FBXW8: variants seen among roughly 807,000 people sequenced by gnomAD.
FBXW8 encodes the protein F-box and WD repeat domain containing 8, also known as F-box/WD repeat-containing protein 8.
A neutral mutation model predicts 65.3 loss-of-function variants in FBXW8; 57 were observed. The ratio of observed to expected loss-of-function variants is 0.87; its 90% CI spans 0.71 to 1.09. The LOEUF (loss-of-function observed/expected upper bound fraction) is 1.09. Ranked by LOEUF, FBXW8 falls within the 50% of genes least tolerant of loss-of-function variation. The pLI, the probability that FBXW8 is intolerant of heterozygous loss-of-function variation, is 0.00. For synonymous variants in FBXW8, 308 were observed against 330.2 expected (o/e 0.93, Z 0.73); for missense variants, 777 against 814.8 (o/e 0.95, Z 0.57).
chr12:116,961,728 C>T lies in FBXW8; in HGVS notation c.678-2969C>T, dbSNP rs756891844. 1.3e-4 allele frequency among the ~76,000 whole-genome samples: 20 copies of T among 152,182 alleles called. No individual in the cohort carries two copies. The highest frequency in any genetic ancestry group is 2.4e-4 in the Non-Finnish European group (16 of 68,040). On this transcript the variant is annotated intron_variant, in intron 4 of 10. Coordinates refer to ENST00000652555, the MANE Select transcript of FBXW8 (RefSeq NM_153348.3). The surrounding 1 kb of genome is among the most constrained non-coding windows in gnomAD (Gnocchi z 4.4). Reference sequence around the variant, plus strand: ...CAGTGAGATGATCACAGACATGCACCACTGCCATGACGGAGACGTCCAGGC... The same window carrying T: ...CAGTGAGATGATCACAGACATGCACTACTGCCATGACGGAGACGTCCAGGC...
intron 5 of FBXW8, among the ~76,000 whole-genome samples, chr12:116,982,318 A>G (rs988459950): frequency 3.9e-5 from 6 of 152,242 alleles, no homozygotes; most frequent in South Asian, 2.1e-4. Flanking sequence ...TCTGCATGCT[A>G]ACACTAATCG....
At chr12:116,931,079 G>T (rs77246994) in intron 2 of FBXW8, among the ~76,000 whole-genome samples, 1,635 of 152,288 alleles carry the variant, frequency 0.011, 31 homozygotes, top group African/African-American at 0.037. Context: ...TGTGAGATGG[G>T]ATCTAATTTC....
chr12:116,985,244 C>G lies in FBXW8; in HGVS notation c.874C>G (p.Pro292Ala). The G allele has an allele frequency of 6.2e-7, 1 of 1,612,928 alleles. No individual in the cohort carries two copies. Among genetic ancestry groups the G allele is most frequent in the Non-Finnish European group, 8.5e-7 (1 of 1,179,708 alleles). Residue 292 changes from proline (P) to alanine (A), a missense_variant, in exon 6 of 11, where the codon CCT (proline) becomes GCT (alanine). By Grantham distance (27) the Pro-to-Ala change is conservative (BLOSUM62 -1). Transcript: ENST00000652555. ...NIWDLRTGKYPVHRFEHDARI... is the reference protein window; with the variant it reads ...NIWDLRTGKYAVHRFEHDARI... ...TTGGGATTTAAGGACCGGAAAGTAC[C>G]CTGTTCATCGTTTTGAGCACGATGC...
intron 5 of FBXW8, 136 bp downstream of exon 5, chr12:116,964,990 C>T (rs1565917280): frequency 4.7e-6 from 4 of 848,856 alleles, no homozygotes; most frequent in Non-Finnish European, 6.9e-6. Flanking sequence ...CACATACACT[C>T]ACTCTTGCTT....
chr12:117,029,064 A>C lies in FBXW8; in HGVS notation c.*892A>C, dbSNP rs977666853. 6.6e-6 allele frequency: 1 copy of C among 152,258 alleles called. No homozygotes were observed. Among genetic ancestry groups the C allele is most frequent in the East Asian group, 1.9e-4 (1 of 5,200 alleles). The allele number at this position is 152,258 out of a possible 1,614,324, so 9.4% of individuals were successfully genotyped here. On this transcript the variant is annotated 3_prime_UTR_variant, in exon 11 of 11. Transcript: ENST00000652555. ...TCACGGCAGGCAAATCAGTGAGAAA[A>C]ATGTAAAGATCTGGAGGATTTACTT...
chr12:117,027,647 C>A, intron 10 of FBXW8, 143 bp downstream of exon 10: 2 of 711,158 alleles, frequency 2.8e-6, no homozygotes, highest in Non-Finnish European at 4.9e-6. Context: ...GAAACATAAA[C>A]GTGGATGCTG....
chr12:116,931,357 C>T (rs377547151), intron 2 of FBXW8, among the ~76,000 whole-genome samples: 2 of 148,806 alleles, frequency 1.3e-5, no homozygotes, highest in Non-Finnish European at 3.0e-5. Context: ...ATTGCTTTGG[C>T]TATTTGCAGT....
rs1953772352 is a variant in FBXW8, at chr12:117,010,314, C to T, written c.1240-9C>T. The stretch of plus-strand genomic sequence containing the variant: ...ATTGTGGGCCCACACATTTCTCTTC[C>T]TCTCTCAGATCCTGGTGTATAGCCT... On this transcript the variant is annotated splice_polypyrimidine_tract_variant and intron_variant, in intron 7 of 10. Coordinates refer to ENST00000652555, the MANE Select transcript of FBXW8 (RefSeq NM_153348.3). The T allele has an allele frequency of 6.2e-7, 1 of 1,614,158 alleles. No individual in the cohort carries two copies. The highest frequency in any genetic ancestry group is 1.1e-5 in the South Asian group (1 of 91,082).
At position 117,028,356 on chromosome 12, in the gene FBXW8, G is replaced by T. The variant is rs371150811; in HGVS notation, c.*184G>T. On this transcript the variant is annotated 3_prime_UTR_variant, in exon 11 of 11. Transcript: ENST00000652555. The surrounding 1 kb of genome is among the most constrained non-coding windows in gnomAD (Gnocchi z 4.1). ...CCCCCAGCGCCTGGGGCAAGCTGGC[G>T]TGTGCCAGGGCTCGAGTCCCACGTG... 2 of 723,826 alleles carry T rather than the reference G, an allele frequency of 2.8e-6. No homozygotes were observed. The highest frequency in any genetic ancestry group is 2.8e-5 in the East Asian group (1 of 36,360). 44.8% of individuals were successfully genotyped at this position (723,826 alleles called of 1,614,324 possible).
Position 116,976,469 on chromosome 12 carries a change from T to C in FBXW8, c.836-8737T>C, listed in dbSNP as rs865986007. Among the ~76,000 whole-genome samples the C allele has an allele frequency of 1.8e-4, 27 of 147,570 alleles. No homozygotes were observed. In the Middle Eastern group the frequency reaches 0.017, roughly 94 times the overall value. On this transcript the variant is annotated intron_variant, in intron 5 of 10. Transcript: ENST00000652555. ...AGGATCCTTTTTTTTTTTTTTTTTT[T>C]TTTCAAAACAGAGTCTCACTCTGTT...
chr12:116,959,419 C>A (rs1252771829), intron 4 of FBXW8, among the ~76,000 whole-genome samples: 1 of 152,122 alleles, frequency 6.6e-6, no homozygotes, highest in Non-Finnish European at 1.5e-5. Flanking sequence ...ACATTTTGAT[C>A]CCAGCTGTGC....
intron 1 of FBXW8, among the ~76,000 whole-genome samples, chr12:116,922,223 T>G (rs1404496762): frequency 1.3e-5 from 2 of 152,138 alleles, no homozygotes; most frequent in Non-Finnish European, 2.9e-5. Flanking sequence ...CGACTGCCTT[T>G]CAGACCTTTT....
chr12:116,917,671 C>T (rs929428475), intron 1 of FBXW8, among the ~76,000 whole-genome samples: 1 of 152,164 alleles, frequency 6.6e-6, no homozygotes, highest in Non-Finnish European at 1.5e-5. Context: ...AGGCCAGAAC[C>T]TCTGATGGGC....
chr12:117,026,125 C>T (rs1302432855), intron 9 of FBXW8, among the ~76,000 whole-genome samples: 1 of 152,266 alleles, frequency 6.6e-6, no homozygotes, highest in Non-Finnish European at 1.5e-5. Context: ...TCATGTACCT[C>T]CCGCTGTCCG....
intron 8 of FBXW8, among the ~76,000 whole-genome samples, chr12:117,019,944 G>T (rs1954051060): frequency 6.6e-6 from 1 of 152,204 alleles, no homozygotes; most frequent in South Asian, 2.1e-4. Flanking sequence ...GGCCTCAAAA[G>T]CAGAGTAGCC....
In FBXW8 at chr12:116,961,607, C is replaced by A. The variant is rs17583145; in HGVS notation, c.678-3090C>A. On this transcript the variant is annotated intron_variant, in intron 4 of 10. Coordinates refer to ENST00000652555, the MANE Select transcript of FBXW8 (RefSeq NM_153348.3). This position sits in a 1 kb window ranked among gnomAD's most constrained non-coding sequence, Gnocchi z 4.4. ...GAGGGTTCTCTGGGTATATGGCAAG[C>A]GCTGTTCTAGTCTGTCTGTTCCAGT... Among the ~76,000 whole-genome samples the A allele has an allele frequency of 0.029, 4,439 of 152,146 alleles. 198 individuals are homozygous for A. The highest frequency in any genetic ancestry group is 0.2 in the East Asian group (1,047 of 5,154).
intron 4 of FBXW8, 61 bp from the exon 5 acceptor site, chr12:116,964,636 T>G: frequency 3.8e-6 from 6 of 1,597,476 alleles, no homozygotes; most frequent in Non-Finnish European, 5.1e-6. Context: ...CTGTGCATTT[T>G]CCCCACCATA....
chr12:116,917,229 T>C (rs1880500721), intron 1 of FBXW8, among the ~76,000 whole-genome samples: 1 of 152,192 alleles, frequency 6.6e-6, no homozygotes, highest in African/African-American at 2.4e-5. Context: ...ATTAATAAGA[T>C]TTTAGGTGCT....
At chr12:116,968,878 G>T (rs1278912593) in intron 5 of FBXW8, among the ~76,000 whole-genome samples, 1 of 151,692 alleles carries the variant, frequency 6.6e-6, no homozygotes, top group African/African-American at 2.4e-5. Flanking sequence ...TACTGTTATG[G>T]CTTATTTTTT....
Sources: allele counts gnomAD v4.1 joint callset (sites outside exome capture counted in the v4.1 genomes callset), GRCh38; gene constraint gnomAD v4.1.1; non-coding constraint Gnocchi (gnomAD v3.1); transcripts MANE v1.5; gene names NCBI Gene and HGNC (gene_info 2026-07-23, HGNC 2026-07-21).